The following WWOX variants were observed in gnomAD, a reference collection of about 807,000 sequenced individuals.
WWOX encodes WW domain-containing oxidoreductase.
A neutral mutation model predicts 46.2 loss-of-function variants in WWOX; 69 were observed. The observed-to-expected ratio is 1.49, with a 90% CI of 1.23 to 1.82. WWOX has a LOEUF of 1.82. WWOX is among the 40% of genes most tolerant of loss of function. WWOX has a pLI of 0.00. For missense variants in WWOX, 919 were observed against 542.6 expected (o/e 1.69, Z -6.89); for synonymous variants, 359 against 202.6 (o/e 1.77, Z -6.56).
intron 8 of WWOX, among the ~76,000 whole-genome samples, chr16:78,592,660 A>T (rs1198828787): frequency 6.6e-6 from 1 of 152,182 alleles, no homozygotes; most frequent in Admixed American, 6.5e-5. Context: ...ATCAGAGCCT[A>T]GGTGTGTAAA....
chr16:78,776,636 T>TA (rs1354768308), intron 8 of WWOX, among the ~76,000 whole-genome samples: 1 of 152,128 alleles, frequency 6.6e-6, no homozygotes, highest in Non-Finnish European at 1.5e-5. Flanking sequence ...CACACTGCTA[T>TA]AAAAAACTGC....
At chr16:78,360,195 C>G (rs1350491807) in intron 5 of WWOX, among the ~76,000 whole-genome samples, 2 of 152,186 alleles carry the variant, frequency 1.3e-5, no homozygotes, top group African/African-American at 2.4e-5. Flanking sequence ...CGTTTTGACA[C>G]CAGATATTGT....
At chr16:78,496,008 G>GTCTTTTGC (rs2084910477) in intron 8 of WWOX, 1 of 152,192 alleles carries the variant, frequency 6.6e-6, no homozygotes, top group Non-Finnish European at 1.5e-5. Flanking sequence ...CTGAAAGGGT[G>GTCTTTTGC]TCTTTTGCTG....
At chr16:78,554,919 A>G (rs1039171189) in intron 8 of WWOX, among the ~76,000 whole-genome samples, 3 of 152,046 alleles carry the variant, frequency 2.0e-5, no homozygotes, top group Non-Finnish European at 4.4e-5. Flanking sequence ...GCCTTACCCA[A>G]GCATTAATTT....
chr16:79,190,989 T>C (rs1367160969), intron 8 of WWOX, among the ~76,000 whole-genome samples: 1 of 152,122 alleles, frequency 6.6e-6, no homozygotes, highest in Admixed American at 6.5e-5. Context: ...GTATCAAAGG[T>C]GATGTGTGTA....
intron 8 of WWOX, chr16:78,535,747 A>G (rs1252457136): frequency 6.6e-6 from 1 of 152,226 alleles, no homozygotes; most frequent in Non-Finnish European, 1.5e-5. Context: ...GAATTCCTAG[A>G]ACACTGTTCC....
At position 78,771,146 on chromosome 16, in the gene WWOX, C is replaced by T. The variant is rs145778872; in HGVS notation, c.1056+338394C>T. ...AGAGAATTAGCATTTGGCCAGAGCA[C>T]GCATTTTAAGGGATGGAGATCCATT... is the stretch of plus-strand genomic sequence containing the variant. On this transcript the variant is annotated intron_variant, in intron 8 of 8. Transcript: ENST00000566780. Among the ~76,000 whole-genome samples, 560 of 152,230 alleles carry T rather than the reference C, an allele frequency of 3.7e-3. 6 individuals carry two copies. The highest frequency in any genetic ancestry group is 0.017 in the South Asian group (83 of 4,824).
intron 8 of WWOX, among the ~76,000 whole-genome samples, chr16:79,010,999 G>A (rs1305581164): frequency 6.6e-6 from 1 of 152,048 alleles, no homozygotes; most frequent in Admixed American, 6.5e-5. Flanking sequence ...GGAGTAGCAC[G>A]ATCTGGCTTA....
chr16:78,443,211 A>G lies in WWOX; in HGVS notation c.1056+10459A>G, dbSNP rs1434553359. Reference sequence around the variant, plus strand: ...TCCCAGCTACTTGGGAGGCTGAGACATGAAAATCACATGAACCTGGGAGGT... The same window carrying G: ...TCCCAGCTACTTGGGAGGCTGAGACGTGAAAATCACATGAACCTGGGAGGT... On this transcript the variant is annotated intron_variant, in intron 8 of 8. Transcript: ENST00000566780. 3.3e-5 allele frequency among the ~76,000 whole-genome samples: 5 copies of G among 151,774 alleles called. No homozygotes were observed. In the South Asian group the frequency reaches 6.3e-4, roughly 19 times the overall value.
At chr16:78,783,819 G>C (rs1175828941) in intron 8 of WWOX, among the ~76,000 whole-genome samples, 3 of 151,798 alleles carry the variant, frequency 2.0e-5, no homozygotes, top group Admixed American at 6.6e-5. Flanking sequence ...TGATGATGGT[G>C]ATAAGATGCT....
chr16:78,743,528 A>T (rs1285131139), intron 8 of WWOX, among the ~76,000 whole-genome samples: 1 of 152,148 alleles, frequency 6.6e-6, no homozygotes, highest in African/African-American at 2.4e-5. Context: ...AGGCTGATTC[A>T]CGTTGACTTT....
At chr16:78,239,501 G>T (rs564329618) in intron 5 of WWOX, among the ~76,000 whole-genome samples, 1 of 152,132 alleles carries the variant, frequency 6.6e-6, no homozygotes, top group Non-Finnish European at 1.5e-5. Flanking sequence ...TATCCCCTCT[G>T]TTCTTGCTTA....
At chr16:78,242,178 C>G (rs1248180597) in intron 5 of WWOX, among the ~76,000 whole-genome samples, 1 of 152,150 alleles carries the variant, frequency 6.6e-6, no homozygotes, top group Non-Finnish European at 1.5e-5. Context: ...AGATTTCACT[C>G]TCCATTTTCT....
chr16:78,386,868 C>G lies in WWOX; in HGVS notation c.525C>G (p.Ala175=), dbSNP rs776102330. The part of the protein sequence containing the change: ...VSRILEEWHK[A]KVEAMTLDLA... ...ATTTTCTCTCATTGCAGCATAAAGC[C>G]AAGGTAGAAGCAATGACCCTGGACC... The change falls in exon 6 of 9, where the codon GCC becomes GCG. Residue 175 remains alanine (A), a synonymous_variant. Coordinates refer to ENST00000566780, the MANE Select transcript of WWOX (RefSeq NM_016373.4). 5 of 1,613,908 alleles carry G rather than the reference C, an allele frequency of 3.1e-6. No homozygotes were observed. The highest frequency in any genetic ancestry group is 3.3e-5 in the Admixed American group (2 of 60,002).
At chr16:78,602,233 A>G (rs948175108) in intron 8 of WWOX, among the ~76,000 whole-genome samples, 3 of 152,040 alleles carry the variant, frequency 2.0e-5, no homozygotes, top group African/African-American at 7.2e-5. Context: ...TTCTGGATAG[A>G]TCTGGATAGA....
intron 8 of WWOX, among the ~76,000 whole-genome samples, chr16:79,163,949 C>T (rs138964677): frequency 1.0e-3 from 156 of 150,708 alleles, no homozygotes; most frequent in African/African-American, 3.6e-3. Context: ...TCTAGCCCAG[C>T]CCACGGTTTT....
chr16:79,095,731 C>T (rs968962620), intron 8 of WWOX, among the ~76,000 whole-genome samples: 1 of 152,030 alleles, frequency 6.6e-6, no homozygotes, highest in East Asian at 1.9e-4. Context: ...ACGGAGTTTA[C>T]ATGTGAGAGG....
chr16:78,539,275 G>A (rs1453512117), intron 8 of WWOX, among the ~76,000 whole-genome samples: 5 of 152,212 alleles, frequency 3.3e-5, no homozygotes, highest in Non-Finnish European at 5.9e-5. Context: ...AGGAATCTGC[G>A]TGAGCCTTGT....
At chr16:79,208,544 C>T (rs966861887) in intron 8 of WWOX, among the ~76,000 whole-genome samples, 4 of 152,106 alleles carry the variant, frequency 2.6e-5, no homozygotes, top group Non-Finnish European at 5.9e-5. Flanking sequence ...CTTTAGATGG[C>T]TCTTTCATCT....
Sources: allele counts gnomAD v4.1 joint callset (sites outside exome capture counted in the v4.1 genomes callset), GRCh38; gene constraint gnomAD v4.1.1; transcripts MANE v1.5; gene names NCBI Gene and HGNC (gene_info 2026-07-23, HGNC 2026-07-21).